Variants in GRM7 observed in about 807,000 individuals in gnomAD.
GRM7 encodes the protein glutamate metabotropic receptor 7, also known as metabotropic glutamate receptor 7.
A neutral mutation model predicts 84.5 loss-of-function variants in GRM7; 35 were observed. The ratio of observed to expected loss-of-function variants is 0.41; its 90% CI spans 0.32 to 0.55. GRM7 has a LOEUF of 0.55. Among genes scored for constraint, GRM7 ranks in the 20% least tolerant of loss-of-function variants. The pLI, the probability that GRM7 is intolerant of heterozygous loss-of-function variation, is 0.19. For synonymous variants in GRM7, 487 were observed against 455.1 expected (o/e 1.07, Z -0.89); for missense variants, 1,003 against 1,194.6 (o/e 0.84, Z 2.36).
At chr3:7,098,588 T>A (rs761256498) in intron 1 of GRM7, among the ~76,000 whole-genome samples, 3 of 151,996 alleles carry the variant, frequency 2.0e-5, no homozygotes, top group Non-Finnish European at 4.4e-5. Context: ...AGACATTATT[T>A]AAAAAAATAA....
At chr3:7,338,637 C>T (rs1456766858) in intron 4 of GRM7, among the ~76,000 whole-genome samples, 2 of 152,080 alleles carry the variant, frequency 1.3e-5, no homozygotes, top group Admixed American at 6.6e-5. Context: ...GGGACATTCG[C>T]CCTTTGAAGT....
intron 1 of GRM7, among the ~76,000 whole-genome samples, chr3:7,078,977 G>A (rs529394360): frequency 6.6e-6 from 1 of 151,684 alleles, no homozygotes; most frequent in East Asian, 1.9e-4. Context: ...AGAAAATTTT[G>A]TTTTAAAGAC....
chr3:7,373,139 A>G (rs535924144), intron 4 of GRM7, among the ~76,000 whole-genome samples: 1 of 152,264 alleles, frequency 6.6e-6, no homozygotes, highest in South Asian at 2.1e-4. Flanking sequence ...AAGGAAAGCT[A>G]CCACTATCTG....
At chr3:7,532,616 C>G (rs1701082005) in intron 7 of GRM7, among the ~76,000 whole-genome samples, 1 of 151,792 alleles carries the variant, frequency 6.6e-6, no homozygotes, top group African/African-American at 2.4e-5. Flanking sequence ...GTGTCTCTAT[C>G]TCCTTCAGTT....
At chr3:7,203,394 AT>A (rs1696130451) in intron 2 of GRM7, among the ~76,000 whole-genome samples, 1 of 152,118 alleles carries the variant, frequency 6.6e-6, no homozygotes, top group African/African-American at 2.4e-5. Context: ...TGTATGCATT[AT>A]TTTTTATGGC....
chr3:7,660,516 A>G (rs1240505018), intron 8 of GRM7, among the ~76,000 whole-genome samples: 1 of 152,244 alleles, frequency 6.6e-6, no homozygotes, highest in Non-Finnish European at 1.5e-5. Context: ...ACCTAAATAA[A>G]TAGAGAAATA....
chr3:6,916,421 G>T (rs1428428731), intron 1 of GRM7, among the ~76,000 whole-genome samples: 3 of 152,220 alleles, frequency 2.0e-5, no homozygotes, highest in African/African-American at 7.2e-5. Flanking sequence ...CATTAAGCAA[G>T]TAGTGGCAGT....
chr3:7,373,882 T>A (rs1425345448), intron 4 of GRM7, among the ~76,000 whole-genome samples: 1 of 152,196 alleles, frequency 6.6e-6, no homozygotes, highest in Non-Finnish European at 1.5e-5. Flanking sequence ...AAATGTCGCT[T>A]GTATGATAGA....
intron 2 of GRM7, among the ~76,000 whole-genome samples, chr3:7,207,718 T>G (rs1386333672): frequency 6.6e-6 from 1 of 152,194 alleles, no homozygotes; most frequent in Non-Finnish European, 1.5e-5. Flanking sequence ...GTGTAGGATG[T>G]GAGACTCTGG....
chr3:7,407,403 C>T (rs142709001), intron 4 of GRM7, among the ~76,000 whole-genome samples: 13 of 152,282 alleles, frequency 8.5e-5, no homozygotes, highest in African/African-American at 3.1e-4. Flanking sequence ...GCTCACATGA[C>T]TGCACATAGC....
At chr3:7,001,290 C>T (rs1025583570) in intron 1 of GRM7, among the ~76,000 whole-genome samples, 3 of 152,168 alleles carry the variant, frequency 2.0e-5, no homozygotes, top group Admixed American at 2.0e-4. Context: ...GTTGAGGCTA[C>T]AGTGAGCTGT....
intron 2 of GRM7, among the ~76,000 whole-genome samples, chr3:7,184,561 T>G (rs1222526226): frequency 6.6e-6 from 1 of 151,672 alleles, no homozygotes; most frequent in Non-Finnish European, 1.5e-5. Flanking sequence ...ATCCCTCAAC[T>G]TGTATCCTTT....
chr3:7,490,607 C>T (rs982718453), intron 7 of GRM7, among the ~76,000 whole-genome samples: 3 of 151,948 alleles, frequency 2.0e-5, no homozygotes, highest in Admixed American at 6.6e-5. Flanking sequence ...TAGTGCCCCT[C>T]GATATAAAAG....
intron 1 of GRM7, among the ~76,000 whole-genome samples, chr3:7,034,988 C>T (rs549511458): frequency 1.2e-4 from 18 of 152,174 alleles, no homozygotes; most frequent in African/African-American, 2.2e-4. Context: ...AACATGGCTT[C>T]GTGAGATTTG....
chr3:6,996,546 AC>A lies in GRM7; in HGVS notation c.519+134640del, dbSNP rs1694837439. On this transcript the variant is annotated intron_variant, in intron 1 of 9. Coordinates refer to ENST00000357716, the MANE Select transcript of GRM7 (RefSeq NM_000844.4). ...CATACTATTGGGAGTTTGCTCCTGA[AC>A]GCTGTTTTCTAAAAACATGCTTCTT... Among the ~76,000 whole-genome samples, 5 of 152,288 alleles carry A rather than the reference AC, an allele frequency of 3.3e-5. No individual in the cohort carries two copies. In the South Asian group the frequency reaches 1.0e-3, roughly 32 times the overall value.
chr3:6,861,356 C>T lies in GRM7; in HGVS notation c.-33C>T. 1 of 1,471,420 alleles carries T rather than the reference C, an allele frequency of 6.8e-7. No homozygotes were observed. The highest frequency in any genetic ancestry group is 8.9e-7 in the Non-Finnish European group (1 of 1,122,086). The allele number at this position is 1,471,420 out of a possible 1,614,324, so 91.1% of individuals were successfully genotyped here. The stretch of plus-strand genomic sequence containing the variant: ...GCGAGCCCACCACCGTTCCCTCCAG[C>T]GCCGCCGCCGCCACCGCAGCAGCCG... On this transcript the variant is annotated 5_prime_UTR_variant, in exon 1 of 10. Transcript: ENST00000357716. The surrounding 1 kb of genome is among the most constrained non-coding windows in gnomAD (Gnocchi z 6.4).
chr3:6,898,851 G>C (rs1260361286), intron 1 of GRM7, among the ~76,000 whole-genome samples: 1 of 151,692 alleles, frequency 6.6e-6, no homozygotes, highest in African/African-American at 2.4e-5. Context: ...AGAAAGAAAA[G>C]AAAAGAGCAC....
At chr3:7,495,023 A>G (rs1353270797) in intron 7 of GRM7, among the ~76,000 whole-genome samples, 2 of 152,076 alleles carry the variant, frequency 1.3e-5, no homozygotes, top group Non-Finnish European at 2.9e-5. Flanking sequence ...TGCATCCTTG[A>G]AATTTTATTT....
intron 1 of GRM7, among the ~76,000 whole-genome samples, chr3:7,027,839 T>G (rs929272470): frequency 4.6e-5 from 7 of 152,198 alleles, no homozygotes; most frequent in Non-Finnish European, 8.8e-5. Flanking sequence ...ATTCATTTTT[T>G]TCTTAGACAT....
Sources: allele counts gnomAD v4.1 joint callset (sites outside exome capture counted in the v4.1 genomes callset), GRCh38; gene constraint gnomAD v4.1.1; non-coding constraint Gnocchi (gnomAD v3.1); transcripts MANE v1.5; gene names NCBI Gene and HGNC (gene_info 2026-07-23, HGNC 2026-07-21).